GRID1: variants seen among roughly 807,000 people sequenced by gnomAD.
GRID1 encodes the protein glutamate ionotropic receptor delta type subunit 1, also known as glutamate receptor ionotropic, delta-1.
Under a neutral mutation model 98.0 loss-of-function variants are expected in GRID1, and 28 were observed. The ratio of observed to expected loss-of-function variants is 0.29; its 90% CI spans 0.21 to 0.39. The LOEUF is 0.39. GRID1 is among the 10% of genes least tolerant of loss of function. The pLI is 1.00. For synonymous variants in GRID1, 553 were observed against 538.5 expected, an observed-to-expected ratio of 1.03 and a Z score of -0.37; for missense variants, 1,111 against 1,340.5, an observed-to-expected ratio of 0.83 and a Z score of 2.67.
chr10:85,892,563 C>G (rs985191969), intron 5 of GRID1, among the ~76,000 whole-genome samples: 1 of 151,256 alleles, frequency 6.6e-6, no homozygotes, highest in African/African-American at 2.4e-5. Context: ...AAAAAGAAAA[C>G]TATGTTTTTC....
intron 5 of GRID1, among the ~76,000 whole-genome samples, chr10:85,888,856 C>T (rs1307276020): frequency 6.6e-6 from 1 of 152,114 alleles, no homozygotes; most frequent in Non-Finnish European, 1.5e-5. Flanking sequence ...GAAAATTCTA[C>T]CTAGCAAATT....
chr10:85,709,087 T>C lies in GRID1; in HGVS notation c.1997+13916A>G, dbSNP rs1841554930. ...AAAACAACTTGTTATTGAAAACCCC[T>C]GTTAAGGGAATGACCCTGACTTTGA... On this transcript the variant is annotated intron_variant, in intron 12 of 15. Coordinates refer to ENST00000327946, the MANE Select transcript of GRID1 (RefSeq NM_017551.3). 4 of 340,570 alleles carry C rather than the reference T, an allele frequency of 1.2e-5. No homozygotes were observed. The South Asian group carries it at 1.3e-4, about 11-fold the overall frequency. 21.1% of individuals were successfully genotyped at this position (340,570 alleles called of 1,614,324 possible).
intron 10 of GRID1, among the ~76,000 whole-genome samples, chr10:85,727,497 A>G (rs1841773579): frequency 6.6e-6 from 1 of 152,150 alleles, no homozygotes; most frequent in Non-Finnish European, 1.5e-5. Flanking sequence ...TCTATAAGGG[A>G]TAGGAGAATG....
At chr10:85,760,095 A>C (rs1344478523) in intron 8 of GRID1, among the ~76,000 whole-genome samples, 1 of 152,196 alleles carries the variant, frequency 6.6e-6, no homozygotes, top group Non-Finnish European at 1.5e-5. Flanking sequence ...GCATTCTGAC[A>C]TCCATTTTTG....
intron 3 of GRID1, among the ~76,000 whole-genome samples, chr10:86,142,874 C>T (rs1294256555): frequency 2.6e-5 from 4 of 152,220 alleles, no homozygotes; most frequent in East Asian, 1.9e-4. Flanking sequence ...ACCCACAGGA[C>T]GGTTTTATTT....
At chr10:85,896,212 T>G (rs1235334369) in intron 5 of GRID1, among the ~76,000 whole-genome samples, 1 of 152,236 alleles carries the variant, frequency 6.6e-6, no homozygotes, top group Non-Finnish European at 1.5e-5. Flanking sequence ...CAGGAAGTTC[T>G]GTCACTTTAA....
intron 4 of GRID1, among the ~76,000 whole-genome samples, chr10:85,996,941 C>T (rs1232086044): frequency 6.6e-6 from 1 of 151,656 alleles, no homozygotes; most frequent in Non-Finnish European, 1.5e-5. Flanking sequence ...TTAAGAAGTT[C>T]TGCAAACCCA....
intron 3 of GRID1, among the ~76,000 whole-genome samples, chr10:86,163,744 G>A (rs1379249984): frequency 6.6e-6 from 1 of 152,186 alleles, no homozygotes; most frequent in African/African-American, 2.4e-5. Context: ...GTCAGACAAT[G>A]TTTGTTGAGT....
chr10:86,301,662 G>A (rs1847689564), intron 2 of GRID1, among the ~76,000 whole-genome samples: 1 of 152,140 alleles, frequency 6.6e-6, no homozygotes, highest in Non-Finnish European at 1.5e-5. Flanking sequence ...GAGAAAGCCA[G>A]TGCATCCAAA....
chr10:86,065,307 T>C (rs1053971694), intron 4 of GRID1, among the ~76,000 whole-genome samples: 4 of 152,250 alleles, frequency 2.6e-5, no homozygotes, highest in African/African-American at 9.6e-5. Flanking sequence ...AAGTCTGTGC[T>C]GCAGCAAGCC....
At chr10:86,340,827 G>A (rs1191509894) in intron 2 of GRID1, among the ~76,000 whole-genome samples, 1 of 152,154 alleles carries the variant, frequency 6.6e-6, no homozygotes, top group African/African-American at 2.4e-5. Context: ...CTGCCTGGAG[G>A]CGGTGGCCCT....
chr10:85,652,480 T>C (rs758117114), intron 12 of GRID1, among the ~76,000 whole-genome samples: 1 of 152,190 alleles, frequency 6.6e-6, no homozygotes, highest in African/African-American at 2.4e-5. Context: ...TATTCTTCCT[T>C]AAGGAGAAGA....
intron 2 of GRID1, among the ~76,000 whole-genome samples, chr10:86,312,833 G>A (rs1489122077): frequency 6.6e-6 from 1 of 152,242 alleles, no homozygotes; most frequent in African/African-American, 2.4e-5. Context: ...ACAAACCCCA[G>A]TGGCCACATT....
chr10:85,634,998 G>GAAAAA (rs140144576), intron 13 of GRID1, among the ~76,000 whole-genome samples: 2 of 35,012 alleles, frequency 5.7e-5, no homozygotes, highest in African/African-American at 9.1e-5. Context: ...GAGGAAATCT[G>GAAAAA]AAAAAAAAAA....
intron 4 of GRID1, among the ~76,000 whole-genome samples, chr10:86,130,546 T>C (rs1463730678): frequency 6.6e-6 from 1 of 152,108 alleles, no homozygotes; most frequent in Non-Finnish European, 1.5e-5. Flanking sequence ...CATCTGAATG[T>C]CGAGAGGAGT....
At chr10:85,602,740 C>G (rs1842599061) in intron 15 of GRID1, 39 bp from the exon 16 acceptor site, 1 of 1,499,944 alleles carries the variant, frequency 6.7e-7, no homozygotes, top group Admixed American at 1.8e-5. Context: ...GGAGCCCTAA[C>G]AGTGAGTCAA....
intron 3 of GRID1, among the ~76,000 whole-genome samples, chr10:86,159,318 G>A (rs1845287805): frequency 6.6e-6 from 1 of 152,138 alleles, no homozygotes; most frequent in Admixed American, 6.5e-5. Flanking sequence ...AATGAACGTG[G>A]TAATCCCAAA....
chr10:86,333,162 C>T (rs1343842146), intron 2 of GRID1, among the ~76,000 whole-genome samples: 1 of 152,212 alleles, frequency 6.6e-6, no homozygotes, highest in Non-Finnish European at 1.5e-5. Context: ...CCTGCACACC[C>T]CACAGATGGA....
intron 3 of GRID1, among the ~76,000 whole-genome samples, chr10:86,151,841 G>A (rs2131980607): frequency 6.6e-6 from 1 of 152,272 alleles, no homozygotes; most frequent in African/African-American, 2.4e-5. Flanking sequence ...GTGTGGGGCT[G>A]CCCTGGTCAC....
Sources: gnomAD v4.1 joint callset for allele counts (sites outside exome capture counted in the v4.1 genomes callset) on GRCh38, gnomAD v4.1.1 for gene constraint, MANE v1.5 for transcripts, NCBI Gene and HGNC (gene_info 2026-07-23, HGNC 2026-07-21) for gene names.